LATS2: variants seen among roughly 807,000 people sequenced by gnomAD.
The protein encoded by LATS2 is large tumor suppressor kinase 2.
Under a neutral mutation model 76.0 loss-of-function variants are expected in LATS2, and 24 were observed. The observed-to-expected ratio is 0.32, with a 90% CI of 0.23 to 0.44. LATS2 has a LOEUF of 0.44. Ranked by LOEUF, LATS2 falls within the 20% of genes least tolerant of loss-of-function variation. The pLI is 1.00. For synonymous variants in LATS2, 692 were observed against 635.4 expected (o/e 1.09, Z -1.34); for missense variants, 1,286 against 1,481.2 (o/e 0.87, Z 2.16).
chr13:21,023,779 G>C (rs1434438210), intron 2 of LATS2, among the ~76,000 whole-genome samples: 1 of 150,202 alleles, frequency 6.7e-6, no homozygotes, highest in Non-Finnish European at 1.5e-5. Context: ...TTCAAGACCA[G>C]CCTGACCAAC....
chr13:20,988,815 CCGGCCTGCTTGT>C lies in LATS2; in HGVS notation c.953_964del (p.His318_Gly322delinsArg). ...CACATGCAGCTGGTGGGCCGCGGGA[CCGGCCTGCTTGT>C]GGTGTGGGTGCGGCACGTAGAGCCC... On this transcript the variant is annotated inframe_deletion, in exon 4 of 8. Transcript: ENST00000382592. 6.3e-7 allele frequency: 1 copy of C among 1,596,856 alleles called. No individual in the cohort carries two copies. Among genetic ancestry groups the C allele is most frequent in the Non-Finnish European group, 8.5e-7 (1 of 1,177,520 alleles).
At chr13:20,989,847 A>G (rs780629896) in intron 3 of LATS2, among the ~76,000 whole-genome samples, 1 of 152,046 alleles carries the variant, frequency 6.6e-6, no homozygotes, top group Admixed American at 6.5e-5. Flanking sequence ...AAACAAAGCA[A>G]TATATACACA....
rs144886469 is a variant in LATS2, at chr13:21,048,273, C to T, written c.-204-2043G>A. On this transcript the variant is annotated intron_variant, in intron 1 of 7. Transcript: ENST00000382592. ...AGTATGGAGGATCCTAGAAGTGACT[C>T]GGTATGTCTGGGAAGAGGCAGTAGA... 3.6e-3 allele frequency among the ~76,000 whole-genome samples: 551 copies of T among 152,270 alleles called. 2 individuals carry two copies. The highest frequency in any genetic ancestry group is 7.3e-3 in the South Asian group (35 of 4,822).
At chr13:21,059,102 C>T (rs765035554) in intron 1 of LATS2, among the ~76,000 whole-genome samples, 8 of 152,196 alleles carry the variant, frequency 5.3e-5, no homozygotes, top group Non-Finnish European at 1.2e-4. Flanking sequence ...AGATCACACA[C>T]ATTTTTGTGA....
At chr13:21,002,062 C>T (rs936284357) in intron 2 of LATS2, among the ~76,000 whole-genome samples, 2 of 151,662 alleles carry the variant, frequency 1.3e-5, no homozygotes, top group Non-Finnish European at 2.9e-5. Context: ...CACAGGTGCC[C>T]ACCACCATGC....
Position 20,975,866 on chromosome 13 carries a change from T to C in LATS2, c.2773-502A>G, listed in dbSNP as rs1869600537. ...ACCCGGCTGATTTTTGTATTTTTAG[T>C]AGAGACAGGGTTTCACCACGTTGGC... On this transcript the variant is annotated intron_variant, in intron 7 of 7. Transcript: ENST00000382592. Among the ~76,000 whole-genome samples the C allele has an allele frequency of 3.3e-5, 5 of 152,302 alleles. No homozygotes were observed. The South Asian group carries it at 1.0e-3, about 32-fold the overall frequency.
intron 2 of LATS2, among the ~76,000 whole-genome samples, chr13:21,019,690 G>A (rs1466262949): frequency 7.4e-6 from 1 of 135,870 alleles, no homozygotes; most frequent in Non-Finnish European, 1.6e-5. Flanking sequence ...AAAAAAAAAG[G>A]CGGCTGGGCG....
intron 2 of LATS2, among the ~76,000 whole-genome samples, chr13:21,039,481 A>G (rs1872792230): frequency 6.6e-6 from 1 of 152,124 alleles, no homozygotes; most frequent in Admixed American, 6.6e-5. Context: ...GGTGATGCAT[A>G]TTGTTAGAAT....
intron 2 of LATS2, among the ~76,000 whole-genome samples, chr13:21,019,614 A>AT (rs1871962634): frequency 8.0e-6 from 1 of 125,514 alleles, no homozygotes; most frequent in African/African-American, 3.0e-5. Context: ...AAGTGCTGGG[A>AT]TTATAGGTGT....
chr13:20,997,980 G>A (rs545468109), intron 2 of LATS2, among the ~76,000 whole-genome samples: 1 of 152,220 alleles, frequency 6.6e-6, no homozygotes, highest in Admixed American at 6.5e-5. Flanking sequence ...TTCCAACTAT[G>A]AGGTTTGGCT....
chr13:21,014,890 T>G (rs1871741111), intron 2 of LATS2, among the ~76,000 whole-genome samples: 1 of 152,236 alleles, frequency 6.6e-6, no homozygotes, highest in Non-Finnish European at 1.5e-5. Context: ...TTCTAAGATC[T>G]TGTCTGCTTT....
Position 21,043,686 on chromosome 13 carries a change from T to C in LATS2, c.342+1999A>G, listed in dbSNP as rs185238924. On this transcript the variant is annotated intron_variant, in intron 2 of 7. Coordinates refer to ENST00000382592, the MANE Select transcript of LATS2 (RefSeq NM_014572.3). ...TCATCGGTGTCATGATCCTTACTTT[T>C]AGTGTATTTGTGTTTCTGTATTGGA... 4.6e-5 allele frequency among the ~76,000 whole-genome samples: 7 copies of C among 152,356 alleles called. No homozygotes were observed. In the East Asian group the frequency reaches 1.3e-3, roughly 29 times the overall value.
intron 2 of LATS2, among the ~76,000 whole-genome samples, chr13:21,040,280 T>C (rs879773102): frequency 6.0e-5 from 9 of 150,458 alleles, no homozygotes; most frequent in Non-Finnish European, 1.2e-4. Flanking sequence ...TCAGTTACTT[T>C]GGAGGTTGAG....
At chr13:20,981,370 A>T in intron 6 of LATS2, 96 bp downstream of exon 6, 1 of 1,122,500 alleles carries the variant, frequency 8.9e-7, no homozygotes. Flanking sequence ...TATGACTGGA[A>T]GCATTAGGTC....
intron 2 of LATS2, among the ~76,000 whole-genome samples, chr13:20,992,107 G>A (rs533482476): frequency 2.6e-5 from 4 of 152,326 alleles, no homozygotes; most frequent in South Asian, 2.1e-4. Flanking sequence ...CCTTCCACCC[G>A]AAAGATGAGG....
intron 7 of LATS2, among the ~76,000 whole-genome samples, chr13:20,978,812 A>G (rs780495811): frequency 6.6e-6 from 1 of 152,080 alleles, no homozygotes; most frequent in African/African-American, 2.4e-5. Flanking sequence ...CCCAGGCTGG[A>G]CTGCAGTGGT....
chr13:21,050,017 G>C (rs778020436), intron 1 of LATS2, among the ~76,000 whole-genome samples: 5 of 152,026 alleles, frequency 3.3e-5, no homozygotes, highest in Admixed American at 6.5e-5. Context: ...CTACTCGGAA[G>C]GCTGAGGCAG....
chr13:21,026,673 T>C (rs1182278626), intron 2 of LATS2, among the ~76,000 whole-genome samples: 2 of 152,216 alleles, frequency 1.3e-5, no homozygotes, highest in African/African-American at 2.4e-5. Context: ...TAAATTGTTT[T>C]GCCCTGGCAC....
chr13:21,051,328 G>T (rs1873268690), intron 1 of LATS2, among the ~76,000 whole-genome samples: 1 of 152,204 alleles, frequency 6.6e-6, no homozygotes, highest in South Asian at 2.1e-4. Context: ...GCTCAAGATG[G>T]GAAGGCAGAG....
Sources: gnomAD v4.1 joint callset for allele counts (sites outside exome capture counted in the v4.1 genomes callset) on GRCh38, gnomAD v4.1.1 for gene constraint, MANE v1.5 for transcripts, NCBI Gene and HGNC (gene_info 2026-07-23, HGNC 2026-07-21) for gene names.